The following PTPRE variants were observed in gnomAD, a reference collection of about 807,000 sequenced individuals.
The protein encoded by PTPRE is receptor-type tyrosine-protein phosphatase epsilon.
PTPRE carries 51 observed loss-of-function variants against 102.0 expected under a neutral mutation model. The ratio of observed to expected loss-of-function variants is 0.50; its 90% CI spans 0.40 to 0.63. The LOEUF (loss-of-function observed/expected upper bound fraction) is 0.63, where lower values mean the gene tolerates loss of function less well. Among genes scored for constraint, PTPRE ranks in the 30% least tolerant of loss-of-function variants. PTPRE has a pLI of 0.00. For missense variants in PTPRE, 752 were observed against 915.1 expected (o/e 0.82, Z 2.30); for synonymous variants, 345 against 348.2 (o/e 0.99, Z 0.10).
chr10:127,951,226 A>T (rs1437249956), intron 1 of PTPRE, among the ~76,000 whole-genome samples: 1 of 152,210 alleles, frequency 6.6e-6, no homozygotes, highest in Non-Finnish European at 1.5e-5. Flanking sequence ...CTCCTCAATG[A>T]ATTCCCAGAC....
chr10:128,064,055 A>G (rs898023048), intron 10 of PTPRE, among the ~76,000 whole-genome samples: 2 of 152,120 alleles, frequency 1.3e-5, no homozygotes, highest in African/African-American at 2.4e-5. Flanking sequence ...TGAGCTCCTC[A>G]GTCATCTGCT....
intron 1 of PTPRE, among the ~76,000 whole-genome samples, chr10:127,908,607 T>C (rs1845657060): frequency 6.6e-6 from 1 of 152,162 alleles, no homozygotes; most frequent in African/African-American, 2.4e-5. Context: ...GGGTCTGTAC[T>C]TTCCAAGCAC....
At chr10:127,910,544 T>A (rs953404923) in intron 1 of PTPRE, among the ~76,000 whole-genome samples, 1 of 152,204 alleles carries the variant, frequency 6.6e-6, no homozygotes, top group African/African-American at 2.4e-5. Context: ...AGGGTGTGTC[T>A]CTGAGAGCAT....
intron 2 of PTPRE, among the ~76,000 whole-genome samples, chr10:128,010,782 G>A (rs1304246589): frequency 6.6e-6 from 1 of 152,012 alleles, no homozygotes; most frequent in African/African-American, 2.4e-5. Context: ...TAGTCGAGAT[G>A]GGGTTTCACC....
intron 1 of PTPRE, among the ~76,000 whole-genome samples, chr10:127,932,457 G>T (rs1564806743): frequency 6.6e-6 from 1 of 152,212 alleles, no homozygotes; most frequent in Non-Finnish European, 1.5e-5. Flanking sequence ...GGGAAATGAA[G>T]ACATACACAG....
intron 2 of PTPRE, among the ~76,000 whole-genome samples, chr10:128,006,677 G>A (rs1244801963): frequency 2.0e-5 from 3 of 152,236 alleles, no homozygotes; most frequent in East Asian, 1.9e-4. Context: ...CAGACCTGGG[G>A]TACAGCAGCA....
At chr10:128,054,229 T>C (rs1848774243) in intron 6 of PTPRE, among the ~76,000 whole-genome samples, 1 of 152,158 alleles carries the variant, frequency 6.6e-6, no homozygotes, top group Non-Finnish European at 1.5e-5. Context: ...GAACCAACAC[T>C]GCTCTGTTGT....
intron 20 of PTPRE, among the ~76,000 whole-genome samples, chr10:128,082,334 C>T (rs1005212020): frequency 6.0e-5 from 9 of 150,766 alleles, no homozygotes; most frequent in African/African-American, 2.2e-4. Context: ...GTCTCCGCTT[C>T]CCAAGTAGCT....
chr10:127,958,656 GT>G (rs1378371023), intron 1 of PTPRE, among the ~76,000 whole-genome samples: 2 of 151,538 alleles, frequency 1.3e-5, no homozygotes, highest in South Asian at 2.1e-4. Context: ...TAGTGTTGTT[GT>G]TTTTTTTCTT....
At chr10:127,946,922 G>A (rs1368361589) in intron 1 of PTPRE, among the ~76,000 whole-genome samples, 1 of 151,744 alleles carries the variant, frequency 6.6e-6, no homozygotes, top group African/African-American at 2.4e-5. Flanking sequence ...TAGCTACTGG[G>A]GAGGCTGAGG....
At chr10:127,921,052 C>G (rs948246026) in intron 1 of PTPRE, among the ~76,000 whole-genome samples, 7 of 152,218 alleles carry the variant, frequency 4.6e-5, no homozygotes, top group African/African-American at 1.4e-4. Context: ...GGCTTGGGCC[C>G]TCTGTCTTCC....
chr10:128,020,691 G>A (rs773862429), intron 2 of PTPRE, among the ~76,000 whole-genome samples: 6 of 152,212 alleles, frequency 3.9e-5, no homozygotes, highest in Non-Finnish European at 7.3e-5. Context: ...CCCTCCTGGT[G>A]TCCCAGTGGT....
intron 3 of PTPRE, among the ~76,000 whole-genome samples, chr10:128,044,174 C>T (rs1219564202): frequency 6.6e-6 from 1 of 152,186 alleles, no homozygotes; most frequent in Non-Finnish European, 1.5e-5. Flanking sequence ...AGAACAGGTT[C>T]CTGAACATTG....
intron 2 of PTPRE, among the ~76,000 whole-genome samples, chr10:128,036,984 T>G (rs1399991100): frequency 6.6e-6 from 1 of 152,142 alleles, no homozygotes; most frequent in South Asian, 2.1e-4. Flanking sequence ...TTGGAAACTT[T>G]CCTGGCGGCT....
intron 1 of PTPRE, among the ~76,000 whole-genome samples, chr10:127,975,188 C>T (rs765312945): frequency 2.6e-5 from 4 of 152,090 alleles, no homozygotes; most frequent in African/African-American, 7.2e-5. Flanking sequence ...TGTGTTGGAG[C>T]CCCGTGAGAC....
At chr10:128,051,468 A>C (rs925867608) in intron 6 of PTPRE, among the ~76,000 whole-genome samples, 6 of 152,284 alleles carry the variant, frequency 3.9e-5, no homozygotes, top group Non-Finnish European at 8.8e-5. Flanking sequence ...AAAGGAAGAC[A>C]GGCTTGGGCC....
rs1420149416 is a variant in PTPRE, at chr10:128,067,232, GCA to G, written c.844-885_844-884del. ...CACACACATTCACATGCACACACAT[GCA>G]CACACGCACACACATTCATGCACAT... On this transcript the variant is annotated intron_variant, in intron 11 of 20. Coordinates refer to ENST00000254667, the MANE Select transcript of PTPRE (RefSeq NM_006504.6). Among the ~76,000 whole-genome samples the G allele has an allele frequency of 6.3e-5, 6 of 95,606 alleles. 1 individual carries two copies. The highest frequency in any genetic ancestry group is 3.5e-4 in the South Asian group (1 of 2,898). The allele number at this position is 95,606 out of a possible 152,430, so 62.7% of individuals were successfully genotyped here.
rs377251901 is a variant in PTPRE at position 128,061,644 on chromosome 10, C to T, written c.589-35C>T. 88 of 1,571,426 alleles carry T rather than the reference C, an allele frequency of 5.6e-5. 1 individual carries two copies. The highest frequency in any genetic ancestry group is 4.1e-4 in the East Asian group (18 of 43,574). ...ACAAATCCTTTCAGCAAAGATAATT[C>T]TGAAAAAATATAAATCTGATGTTAT... On this transcript the variant is annotated intron_variant, in intron 8 of 20. Transcript: ENST00000254667.
At chr10:128,063,241 G>A (rs1045600017) in intron 10 of PTPRE, 61 bp downstream of exon 10, 2 of 1,594,832 alleles carry the variant, frequency 1.3e-6, no homozygotes, top group Middle Eastern at 1.7e-4. Context: ...CCGGGCTGGG[G>A]ATGTTCTTAC....
Sources: allele counts gnomAD v4.1 joint callset (sites outside exome capture counted in the v4.1 genomes callset), GRCh38; gene constraint gnomAD v4.1.1; transcripts MANE v1.5; gene names NCBI Gene and HGNC (gene_info 2026-07-23, HGNC 2026-07-21).